Variants in CLNK observed in about 807,000 individuals in gnomAD.
The protein encoded by CLNK is cytokine-dependent hematopoietic cell linker.
A neutral mutation model predicts 68.6 loss-of-function variants in CLNK; 74 were observed. The observed-to-expected ratio is 1.08, with a 90% CI of 0.89 to 1.31. CLNK has a LOEUF of 1.31. Ranked by LOEUF, CLNK falls within the 50% of genes most tolerant of loss-of-function variation. The pLI is 0.00. For missense variants in CLNK, 553 were observed against 515.3 expected (o/e 1.07, Z -0.71); for synonymous variants, 198 against 172.2 (o/e 1.15, Z -1.17).
the CLNK span, among the ~76,000 whole-genome samples, chr4:10,699,459 C>CCTCTCTTT: frequency 1.6e-5 from 1 of 62,902 alleles, no homozygotes; most frequent in Non-Finnish European, 3.7e-5. Flanking sequence ...CTATGTACAT[C>CCTCTCTTT]CTCTCTGTCT....
chr4:10,600,793 C>T (rs1442983786), intron 2 of CLNK, among the ~76,000 whole-genome samples: 1 of 152,212 alleles, frequency 6.6e-6, no homozygotes, highest in Non-Finnish European at 1.5e-5. Context: ...TGGCCTATCC[C>T]TGCACTGAGT....
At chr4:10,719,749 C>T in the CLNK span, among the ~76,000 whole-genome samples, 19 of 152,056 alleles carry the variant, frequency 1.2e-4, 1 homozygote, top group Non-Finnish European at 1.9e-4. Context: ...ATACTCCATC[C>T]GATGATGGCA....
chr4:10,585,963 G>T (rs1433556546), intron 3 of CLNK, among the ~76,000 whole-genome samples: 1 of 152,144 alleles, frequency 6.6e-6, no homozygotes, highest in Non-Finnish European at 1.5e-5. Flanking sequence ...GTTTCGGGAT[G>T]AAGGGAAGAA....
intron 3 of CLNK, among the ~76,000 whole-genome samples, chr4:10,587,359 T>G (rs1401330847): frequency 6.6e-6 from 1 of 152,204 alleles, no homozygotes; most frequent in African/African-American, 2.4e-5. Context: ...GGCCATGCTT[T>G]GAAAAGCCCC....
chr4:10,734,013 T>G, the CLNK span, among the ~76,000 whole-genome samples: 3 of 152,236 alleles, frequency 2.0e-5, no homozygotes, highest in Non-Finnish European at 2.9e-5. Flanking sequence ...TTTTCTCTTC[T>G]TTTTCCTTTG....
intron 16 of CLNK, among the ~76,000 whole-genome samples, chr4:10,508,319 A>T (rs1245239102): frequency 6.6e-6 from 1 of 152,186 alleles, no homozygotes; most frequent in East Asian, 1.9e-4. Flanking sequence ...TAAGCCTGCT[A>T]TCTATCAGTG....
chr4:10,715,728 T>C, the CLNK span, among the ~76,000 whole-genome samples: 1 of 152,242 alleles, frequency 6.6e-6, no homozygotes, highest in Non-Finnish European at 1.5e-5. Flanking sequence ...ACTATAATTA[T>C]TATCAAAATC....
chr4:10,607,305 C>A (rs1008572748), intron 2 of CLNK, among the ~76,000 whole-genome samples: 1 of 152,166 alleles, frequency 6.6e-6, no homozygotes, highest in African/African-American at 2.4e-5. Flanking sequence ...TCTCTTTTCC[C>A]CCACCTGAGT....
In CLNK at chr4:10,487,737, A is replaced by G. The variant is rs769277283; in HGVS notation, c.*2730T>C. 1.3e-5 allele frequency: 2 copies of G among 152,028 alleles called. No individual in the cohort carries two copies. The highest frequency in any genetic ancestry group is 2.4e-5 in the African/African-American group (1 of 41,376). 9.4% of individuals were successfully genotyped at this position (152,028 alleles called of 1,614,324 possible). On this transcript the variant is annotated 3_prime_UTR_variant, in exon 19 of 19. Coordinates refer to ENST00000226951, the MANE Select transcript of CLNK (RefSeq NM_052964.4). ...GCATAACACTGTCTCCTCTCTGGGCAAACTTTGCTTTGGGCCTCACTATGA... is the reference window on the plus strand; with the variant it reads ...GCATAACACTGTCTCCTCTCTGGGCGAACTTTGCTTTGGGCCTCACTATGA...
At chr4:10,654,577 G>A (rs1169685327) in intron 2 of CLNK, among the ~76,000 whole-genome samples, 1 of 149,970 alleles carries the variant, frequency 6.7e-6, no homozygotes, top group Non-Finnish European at 1.5e-5. Flanking sequence ...AGGCAAGAAA[G>A]AAAAAAATGT....
chr4:10,525,357 G>T (rs773616805), intron 14 of CLNK, among the ~76,000 whole-genome samples: 1 of 152,096 alleles, frequency 6.6e-6, no homozygotes, highest in Non-Finnish European at 1.5e-5. Context: ...GAGCCACCGC[G>T]CCCGGCCAAG....
rs1013971260 is a variant in CLNK at position 10,586,328 on chromosome 4, T to A, written c.84-1373A>T. 9.1e-5 allele frequency among the ~76,000 whole-genome samples: 10 copies of A among 109,958 alleles called. No homozygotes were observed. The Admixed American group carries it at 1.3e-3, about 14-fold the overall frequency. 72.1% of individuals were successfully genotyped at this position (109,958 alleles called of 152,430 possible). On this transcript the variant is annotated intron_variant, in intron 3 of 18. Transcript: ENST00000226951. ...TTAAACCTCATCTCTGAATCTTTCT[T>A]TTTTTTTCTTTTTTTTTTTTTTTTT...
intron 2 of CLNK, among the ~76,000 whole-genome samples, chr4:10,624,314 G>A (rs999367905): frequency 6.6e-6 from 1 of 151,544 alleles, no homozygotes; most frequent in Non-Finnish European, 1.5e-5. Flanking sequence ...GTAGTTTTTT[G>A]GTTTTTTTTT....
At chr4:10,522,572 CAAAAAAAAAA>C (rs58663693) in intron 14 of CLNK, among the ~76,000 whole-genome samples, 1 of 116,436 alleles carries the variant, frequency 8.6e-6, no homozygotes, top group East Asian at 2.5e-4. Context: ...GAAACTCTCT[CAAAAAAAAAA>C]AAAAAAAAGA....
intron 2 of CLNK, among the ~76,000 whole-genome samples, chr4:10,626,346 T>G (rs764652868): frequency 1.3e-4 from 20 of 152,240 alleles, no homozygotes; most frequent in Non-Finnish European, 2.4e-4. Context: ...CTTCTCTTGC[T>G]TCTTTTTATT....
chr4:10,587,236 G>A (rs112964575), intron 3 of CLNK, among the ~76,000 whole-genome samples: 388 of 152,306 alleles, frequency 2.5e-3, no homozygotes, highest in Admixed American at 4.6e-3. Flanking sequence ...AAAGTGCTGG[G>A]ATTACAGGTG....
intron 2 of CLNK, among the ~76,000 whole-genome samples, chr4:10,659,300 G>A (rs1400903435): frequency 6.6e-6 from 1 of 152,220 alleles, no homozygotes; most frequent in Non-Finnish European, 1.5e-5. Flanking sequence ...CCTATGGCAT[G>A]CTCCCTATGT....
At chr4:10,701,553 T>C in the CLNK span, among the ~76,000 whole-genome samples, 6 of 152,028 alleles carry the variant, frequency 3.9e-5, no homozygotes, top group South Asian at 1.2e-3. Flanking sequence ...AGTTGTTAGG[T>C]GAATGGAAGT....
chr4:10,583,624 G>A (rs893261100), intron 4 of CLNK, among the ~76,000 whole-genome samples: 2 of 152,154 alleles, frequency 1.3e-5, no homozygotes, highest in Non-Finnish European at 2.9e-5. Flanking sequence ...GTCATAATTT[G>A]CTGCTAAGTG....
Sources: gnomAD v4.1 joint callset for allele counts (sites outside exome capture counted in the v4.1 genomes callset) on GRCh38, gnomAD v4.1.1 for gene constraint, MANE v1.5 for transcripts, NCBI Gene and HGNC (gene_info 2026-07-23, HGNC 2026-07-21) for gene names.